The following HMGB1 variants were observed in gnomAD, a reference collection of about 807,000 sequenced individuals.
HMGB1 encodes the protein high mobility group protein B1.
For missense variants in HMGB1, 79 were observed against 253.5 expected (o/e 0.31, Z 4.67); for synonymous variants, 81 against 84.0 (o/e 0.96, Z 0.19).
chr13:30,517,732 C>T (rs1374260350), intron 1 of HMGB1, among the ~76,000 whole-genome samples: 1 of 152,212 alleles, frequency 6.6e-6, no homozygotes, highest in East Asian at 1.9e-4. Flanking sequence ...TGGGATTTTG[C>T]TGTAGGTTAT....
chr13:30,538,776 TCC>T (rs1491499966), intron 1 of HMGB1, among the ~76,000 whole-genome samples: 9 of 125,196 alleles, frequency 7.2e-5, no homozygotes, highest in African/African-American at 2.2e-4. Context: ...TCTCTCTCTT[TCC>T]TTCTTTCTTT....
At chr13:30,543,182 A>C (rs928226220) in intron 1 of HMGB1, 2 of 135,066 alleles carry the variant, frequency 1.5e-5, no homozygotes, top group African/African-American at 5.6e-5. Context: ...GCTAGAGTGC[A>C]GTGGCGCGAT....
At position 30,463,072 on chromosome 13, in the gene HMGB1, A is replaced by G; in HGVS notation, c.296+135T>C. On this transcript the variant is annotated intron_variant, in intron 3 of 4. Transcript: ENST00000341423. ...AGGAATTTTATACTATTTAAATATAACCAATATGAACAAGTATTAGCTAAG... is the reference window on the plus strand; with the variant it reads ...AGGAATTTTATACTATTTAAATATAGCCAATATGAACAAGTATTAGCTAAG... 5.6e-6 allele frequency: 5 copies of G among 892,146 alleles called. No homozygotes were observed. The South Asian group carries it at 7.6e-5, about 14-fold the overall frequency. The allele number at this position is 892,146 out of a possible 1,614,324, so 55.3% of individuals were successfully genotyped here.
chr13:30,481,726 A>G (rs1381567588), intron 1 of HMGB1, among the ~76,000 whole-genome samples: 1 of 152,162 alleles, frequency 6.6e-6, no homozygotes, highest in East Asian at 1.9e-4. Flanking sequence ...GTCAGACCCT[A>G]GTTATCCAAG....
intron 1 of HMGB1, among the ~76,000 whole-genome samples, chr13:30,545,462 G>A (rs1352647123): frequency 6.6e-6 from 1 of 151,500 alleles, no homozygotes. Context: ...CTCCAACCTG[G>A]GCCCCATGTA....
chr13:30,532,139 C>T (rs1424961615), intron 1 of HMGB1, among the ~76,000 whole-genome samples: 1 of 151,868 alleles, frequency 6.6e-6, no homozygotes, highest in Admixed American at 6.6e-5. Flanking sequence ...GAGTTCGACA[C>T]CAGCCTGATC....
upstream of HMGB1, among the ~76,000 whole-genome samples, chr13:30,470,290 T>C (rs1464847158): frequency 6.6e-6 from 1 of 152,248 alleles, no homozygotes; most frequent in Non-Finnish European, 1.5e-5. Context: ...AAGGAGTACG[T>C]ATTGCAAATT....
intron 1 of HMGB1, among the ~76,000 whole-genome samples, chr13:30,527,238 G>A (rs1888389749): frequency 6.6e-6 from 1 of 152,226 alleles, no homozygotes; most frequent in Non-Finnish European, 1.5e-5. Context: ...CTGGGCCTAG[G>A]ACTTAGGTCC....
At chr13:30,485,164 T>C (rs1887336935) in intron 1 of HMGB1, among the ~76,000 whole-genome samples, 1 of 151,784 alleles carries the variant, frequency 6.6e-6, no homozygotes, top group Non-Finnish European at 1.5e-5. Context: ...CCCAAGTAGC[T>C]GGGACTACAG....
At chr13:30,483,486 C>T (rs1300224143) in intron 1 of HMGB1, among the ~76,000 whole-genome samples, 1 of 152,254 alleles carries the variant, frequency 6.6e-6, no homozygotes, top group Admixed American at 6.5e-5. Flanking sequence ...TCTACTCCAA[C>T]CCTGGGCCTT....
intron 1 of HMGB1, chr13:30,553,930 C>G (rs1352369108): frequency 6.9e-7 from 1 of 1,442,954 alleles, no homozygotes; most frequent in African/African-American, 1.4e-5. Flanking sequence ...ATCTTAACAC[C>G]GGGTCCACTT....
intron 1 of HMGB1, among the ~76,000 whole-genome samples, chr13:30,509,213 T>C (rs1048952664): frequency 1.3e-5 from 2 of 151,804 alleles, no homozygotes; most frequent in South Asian, 2.1e-4. Context: ...GCTGGAATTA[T>C]AGGCATGAGT....
chr13:30,598,869 T>G (rs1217217787), intron 1 of HMGB1, among the ~76,000 whole-genome samples: 2 of 152,136 alleles, frequency 1.3e-5, no homozygotes, highest in Non-Finnish European at 2.9e-5. Flanking sequence ...TGTTTGTGTG[T>G]AGATCTTTTA....
chr13:30,538,488 TTC>T (rs1491184809), intron 1 of HMGB1, among the ~76,000 whole-genome samples: 14 of 50,394 alleles, frequency 2.8e-4, no homozygotes, highest in African/African-American at 6.6e-4. Context: ...CTTTCTTTCT[TTC>T]TTTCTTTCTT....
At chr13:30,495,731 G>A (rs1248782287) in intron 1 of HMGB1, among the ~76,000 whole-genome samples, 1 of 152,202 alleles carries the variant, frequency 6.6e-6, no homozygotes, top group African/African-American at 2.4e-5. Flanking sequence ...GCCCGCGTTG[G>A]CCTCCCAAAG....
chr13:30,574,279 G>C (rs964384139), intron 1 of HMGB1, among the ~76,000 whole-genome samples: 5 of 152,160 alleles, frequency 3.3e-5, no homozygotes, highest in Admixed American at 1.3e-4. Context: ...ATATTTCTCT[G>C]ATAGCATTAC....
At chr13:30,550,563 C>T (rs1332259977) in intron 1 of HMGB1, among the ~76,000 whole-genome samples, 1 of 152,120 alleles carries the variant, frequency 6.6e-6, no homozygotes, top group Admixed American at 6.5e-5. Context: ...CATTCATTTG[C>T]CTCTTTGCTC....
intron 1 of HMGB1, among the ~76,000 whole-genome samples, chr13:30,564,854 T>C (rs1278146929): frequency 6.6e-6 from 1 of 152,216 alleles, no homozygotes; most frequent in African/African-American, 2.4e-5. Flanking sequence ...AAACTCAACA[T>C]AGACCATTCA....
At chr13:30,551,731 G>C (rs1265998011) in intron 1 of HMGB1, among the ~76,000 whole-genome samples, 1 of 152,044 alleles carries the variant, frequency 6.6e-6, no homozygotes, top group African/African-American at 2.4e-5. Flanking sequence ...TTAGAGACAG[G>C]GTCTTGCTCT....
Sources: gnomAD v4.1 joint callset for allele counts (sites outside exome capture counted in the v4.1 genomes callset) on GRCh38, gnomAD v4.1.1 for gene constraint, MANE v1.5 for transcripts, NCBI Gene and HGNC (gene_info 2026-07-23, HGNC 2026-07-21) for gene names.